The following EML4 variants were observed in gnomAD, a reference collection of about 807,000 sequenced individuals.
The protein encoded by EML4 is echinoderm microtubule-associated protein-like 4.
A neutral mutation model predicts 129.0 loss-of-function variants in EML4; 72 were observed. The ratio of observed to expected loss-of-function variants is 0.56; its 90% CI spans 0.46 to 0.68. The LOEUF is 0.68. Ranked by LOEUF, EML4 falls within the 30% of genes least tolerant of loss-of-function variation. The pLI is 0.00. For synonymous variants in EML4, 532 were observed against 405.0 expected (o/e 1.31, Z -3.77); for missense variants, 1,363 against 1,190.6 (o/e 1.14, Z -2.13).
At chr2:42,257,381 G>A (rs1676221281) in intron 3 of EML4, among the ~76,000 whole-genome samples, 1 of 152,124 alleles carries the variant, frequency 6.6e-6, no homozygotes, top group Non-Finnish European at 1.5e-5. Context: ...AAAATCTTAA[G>A]TAATAAGATC....
chr2:42,224,107 T>G (rs1673797246), intron 1 of EML4, among the ~76,000 whole-genome samples: 1 of 152,268 alleles, frequency 6.6e-6, no homozygotes, highest in Non-Finnish European at 1.5e-5. Context: ...AAACATGTAC[T>G]TCAGTGGTTT....
chr2:42,237,546 T>G (rs1044126366), intron 1 of EML4, among the ~76,000 whole-genome samples: 3 of 152,146 alleles, frequency 2.0e-5, no homozygotes, highest in Admixed American at 6.6e-5. Context: ...CATGGGGGTT[T>G]GGGGTGCCAA....
intron 21 of EML4, among the ~76,000 whole-genome samples, chr2:42,328,424 ATCTC>A (rs1337898546): frequency 6.6e-6 from 1 of 152,200 alleles, no homozygotes; most frequent in Non-Finnish European, 1.5e-5. Flanking sequence ...AAAAGAAATA[ATCTC>A]TCTGAGGTTT....
At chr2:42,264,101 G>GTGT (rs1665907078) in intron 5 of EML4, among the ~76,000 whole-genome samples, 1 of 95,672 alleles carries the variant, frequency 1.0e-5, no homozygotes, top group Non-Finnish European at 2.1e-5. Context: ...CAAACAATAC[G>GTGT]TGTTTTTTTT....
At chr2:42,297,759 G>A (rs563710043) in intron 13 of EML4, among the ~76,000 whole-genome samples, 1 of 152,204 alleles carries the variant, frequency 6.6e-6, no homozygotes, top group Non-Finnish European at 1.5e-5. Context: ...CAAAATTTGA[G>A]TGTACTGTGA....
intron 16 of EML4, among the ~76,000 whole-genome samples, chr2:42,304,239 C>G (rs561609307): frequency 1.0e-3 from 158 of 152,192 alleles, no homozygotes; most frequent in African/African-American, 3.5e-3. Flanking sequence ...TGTTATTATC[C>G]TTATTATTGT....
intron 1 of EML4, among the ~76,000 whole-genome samples, chr2:42,221,532 C>T (rs1029916568): frequency 2.6e-5 from 4 of 151,122 alleles, no homozygotes; most frequent in Middle Eastern, 3.4e-3. Flanking sequence ...ACCTGAGCCT[C>T]CTGAGTAGCT....
chr2:42,220,623 G>A (rs1282482862), intron 1 of EML4, among the ~76,000 whole-genome samples: 8 of 152,114 alleles, frequency 5.3e-5, no homozygotes, highest in Admixed American at 5.2e-4. Flanking sequence ...TGGTTCTTAA[G>A]TGTTCAAGTG....
chr2:42,222,068 C>T (rs1210576341), intron 1 of EML4, among the ~76,000 whole-genome samples: 1 of 152,108 alleles, frequency 6.6e-6, no homozygotes, highest in African/African-American at 2.4e-5. Context: ...TCTTCTCTCT[C>T]TGTAGCCATG....
At chr2:42,205,535 C>CA (rs35903067) in intron 1 of EML4, among the ~76,000 whole-genome samples, 34,711 of 151,974 alleles carry the variant, frequency 0.23, 4,763 homozygotes, top group East Asian at 0.57. Context: ...AGTAAGCACT[C>CA]AATAAATGTT....
chr2:42,288,932 TA>T (rs1367476247), intron 11 of EML4: 1 of 152,214 alleles, frequency 6.6e-6, no homozygotes, highest in Non-Finnish European at 1.5e-5. Context: ...GACAGGCATT[TA>T]AAAAGATTCA....
intron 1 of EML4, among the ~76,000 whole-genome samples, chr2:42,224,424 A>G (rs1458324705): frequency 6.6e-6 from 1 of 152,134 alleles, no homozygotes; most frequent in African/African-American, 2.4e-5. Context: ...CATGGGTATA[A>G]CCGTGTGAGC....
At chr2:42,305,634 T>G (rs1668556215) in intron 17 of EML4, among the ~76,000 whole-genome samples, 1 of 152,216 alleles carries the variant, frequency 6.6e-6, no homozygotes, top group South Asian at 2.1e-4. Flanking sequence ...TGTTTATGAT[T>G]TATATATCTT....
At chr2:42,296,704 G>A (rs2103687759) in intron 13 of EML4, among the ~76,000 whole-genome samples, 1 of 152,258 alleles carries the variant, frequency 6.6e-6, no homozygotes, top group East Asian at 1.9e-4. Context: ...TTAACTTTGG[G>A]TGTCAATGTA....
intron 1 of EML4, among the ~76,000 whole-genome samples, chr2:42,194,037 G>A (rs1276941114): frequency 6.6e-6 from 1 of 152,134 alleles, no homozygotes; most frequent in Non-Finnish European, 1.5e-5. Context: ...AATAGTTGCA[G>A]AATTTCCCTT....
At chr2:42,231,014 G>A (rs1038578392) in intron 1 of EML4, among the ~76,000 whole-genome samples, 2 of 152,106 alleles carry the variant, frequency 1.3e-5, no homozygotes, top group African/African-American at 4.8e-5. Context: ...TGTCAGCTTT[G>A]CAGACACTCT....
intron 1 of EML4, among the ~76,000 whole-genome samples, chr2:42,204,830 A>G (rs753836176): frequency 2.6e-5 from 4 of 152,192 alleles, no homozygotes; most frequent in Admixed American, 6.5e-5. Context: ...AGACCTAGTT[A>G]ACTAGTTAAC....
intron 8 of EML4, among the ~76,000 whole-genome samples, chr2:42,283,981 TA>T (rs1353686670): frequency 6.6e-6 from 1 of 152,232 alleles, no homozygotes; most frequent in Non-Finnish European, 1.5e-5. Flanking sequence ...GATATGGACA[TA>T]AAGATGTCTT....
At chr2:42,180,681 G>A (rs901721602) in intron 1 of EML4, among the ~76,000 whole-genome samples, 2 of 152,238 alleles carry the variant, frequency 1.3e-5, no homozygotes, top group South Asian at 4.1e-4. Context: ...TTTATTTCCT[G>A]TAAGTAAGGC....
Sources: gnomAD v4.1 joint callset for allele counts (sites outside exome capture counted in the v4.1 genomes callset) on GRCh38, gnomAD v4.1.1 for gene constraint, MANE v1.5 for transcripts, NCBI Gene and HGNC (gene_info 2026-07-23, HGNC 2026-07-21) for gene names.